Variants in DOCK3 observed in about 807,000 individuals in gnomAD.
The protein encoded by DOCK3 is dedicator of cytokinesis 3, also known as dedicator of cytokinesis protein 3.
In DOCK3, 60 loss-of-function variants were observed where a neutral mutation model predicts 265.6. That is an observed-to-expected ratio of 0.23 (90% CI 0.18 to 0.28). DOCK3 has a LOEUF of 0.28. DOCK3 is among the 10% of genes least tolerant of loss of function. The pLI is 1.00. For synonymous variants in DOCK3, 881 were observed against 938.0 expected (o/e 0.94, Z 1.11); for missense variants, 1,981 against 2,594.3 (o/e 0.76, Z 5.14).
rs377171612 is a variant in DOCK3, at chr3:50,920,822, T to C, written c.219-13159T>C. Among the ~76,000 whole-genome samples the C allele has an allele frequency of 4.4e-4, 67 of 152,310 alleles. No individual in the cohort carries two copies. In the Middle Eastern group the frequency reaches 0.01, roughly 23 times the overall value. On this transcript the variant is annotated intron_variant, in intron 4 of 52. Coordinates refer to ENST00000266037, the MANE Select transcript of DOCK3 (RefSeq NM_004947.5). ...AATGCGTTTGCTCTTGCTTCTCTAG[T>C]TCTTTTAATTGTGATGTTAGGGTGT... is the stretch of plus-strand genomic sequence containing the variant.
intron 5 of DOCK3, among the ~76,000 whole-genome samples, chr3:51,044,251 A>G (rs942493703): frequency 3.3e-5 from 5 of 152,214 alleles, no homozygotes; most frequent in Non-Finnish European, 7.3e-5. Flanking sequence ...GCAGCCATAC[A>G]AAAGAATGAG....
intron 1 of DOCK3, among the ~76,000 whole-genome samples, chr3:50,708,468 A>G (rs1484465960): frequency 6.6e-6 from 1 of 152,174 alleles, no homozygotes; most frequent in Non-Finnish European, 1.5e-5. Context: ...GGAAGATGTC[A>G]CTGGGGCTTT....
At chr3:51,071,632 C>T (rs564763641) in intron 6 of DOCK3, among the ~76,000 whole-genome samples, 24 of 152,232 alleles carry the variant, frequency 1.6e-4, no homozygotes, top group East Asian at 9.6e-4. Context: ...CAACAGCTTA[C>T]GATAGTAGAT....
chr3:50,705,632 G>A (rs1178560088), intron 1 of DOCK3, among the ~76,000 whole-genome samples: 3 of 152,040 alleles, frequency 2.0e-5, no homozygotes, highest in Non-Finnish European at 4.4e-5. Flanking sequence ...GGCCAGGCTG[G>A]TGTTGATCTC....
Position 50,754,859 on chromosome 3 carries a change from C to G in DOCK3, c.38-23816C>G, listed in dbSNP as rs1046834432. 2.6e-5 allele frequency among the ~76,000 whole-genome samples: 4 copies of G among 151,984 alleles called. No individual in the cohort carries two copies. The East Asian group carries it at 5.8e-4, about 22-fold the overall frequency. On this transcript the variant is annotated intron_variant, in intron 1 of 52. Transcript: ENST00000266037. ...CAGGTGTGAGCCACCACTCCCAGCC[C>G]GTTTTCACTTTTGACAACATGGGAA...
chr3:51,017,862 C>T (rs555657265), intron 5 of DOCK3, among the ~76,000 whole-genome samples: 12 of 151,886 alleles, frequency 7.9e-5, no homozygotes, highest in Admixed American at 3.3e-4. Context: ...CTTCTGTCAA[C>T]GATGTGTGAC....
chr3:50,803,860 A>C (rs2043221579), intron 2 of DOCK3, among the ~76,000 whole-genome samples: 1 of 149,626 alleles, frequency 6.7e-6, no homozygotes, highest in African/African-American at 2.5e-5. Context: ...TCCATCCTGG[A>C]CGGGGCGGCT....
chr3:50,876,072 T>C (rs2047688763), intron 3 of DOCK3, among the ~76,000 whole-genome samples: 1 of 152,088 alleles, frequency 6.6e-6, no homozygotes, highest in South Asian at 2.1e-4. Context: ...ACTGCTGCTA[T>C]ACCAAGTATT....
intron 14 of DOCK3, among the ~76,000 whole-genome samples, chr3:51,214,725 G>T (rs542324853): frequency 2.6e-4 from 39 of 152,260 alleles, no homozygotes; most frequent in African/African-American, 8.9e-4. Flanking sequence ...AATAGATCAG[G>T]CAAATAGTAT....
At chr3:51,261,241 G>A (rs1050912522) in intron 23 of DOCK3, among the ~76,000 whole-genome samples, 1 of 151,852 alleles carries the variant, frequency 6.6e-6, no homozygotes, top group Non-Finnish European at 1.5e-5. Flanking sequence ...GGACTGGCTA[G>A]ACAGTGGGTG....
chr3:50,731,662 T>C (rs1416385496), intron 1 of DOCK3, among the ~76,000 whole-genome samples: 2 of 152,158 alleles, frequency 1.3e-5, no homozygotes, highest in East Asian at 3.8e-4. Flanking sequence ...AGGTAAAACT[T>C]ACCACCATTT....
chr3:51,115,871 G>A (rs1200461437), intron 9 of DOCK3, among the ~76,000 whole-genome samples: 5 of 152,154 alleles, frequency 3.3e-5, no homozygotes, highest in East Asian at 1.9e-4. Context: ...TGGCTAGCCA[G>A]TTTTCACAAC....
chr3:51,188,414 G>A (rs1189270851), intron 12 of DOCK3, among the ~76,000 whole-genome samples: 1 of 152,138 alleles, frequency 6.6e-6, no homozygotes, highest in Non-Finnish European at 1.5e-5. Context: ...GAGGGATTTC[G>A]TTACATGTAT....
intron 14 of DOCK3, among the ~76,000 whole-genome samples, chr3:51,225,254 G>A (rs1449082567): frequency 6.6e-6 from 1 of 152,140 alleles, no homozygotes; most frequent in Non-Finnish European, 1.5e-5. Context: ...CCTTCTTGAG[G>A]GAAAAGAAGA....
At chr3:50,872,181 T>C (rs2047462441) in intron 3 of DOCK3, among the ~76,000 whole-genome samples, 1 of 152,246 alleles carries the variant, frequency 6.6e-6, no homozygotes, top group South Asian at 2.1e-4. Flanking sequence ...TGTTTGTCTT[T>C]CTTAGGAAGG....
rs560739845 is a variant in DOCK3 at position 50,948,607 on chromosome 3, TCTTTTCTTTTC to T, written c.315+14542_315+14552del. ...CTTTTCTTTTCTCTTCTTTCTCTTT[TCTTTTCTTTTC>T]CTTTTCTTTTCTTTCCTCTTTGTTT... On this transcript the variant is annotated intron_variant, in intron 5 of 52. Transcript: ENST00000266037. Among the ~76,000 whole-genome samples, 435 of 151,914 alleles carry T rather than the reference TCTTTTCTTTTC, an allele frequency of 2.9e-3. 1 individual carries two copies. Among genetic ancestry groups the T allele is most frequent in the African/African-American group, 0.01 (418 of 41,424 alleles).
intron 5 of DOCK3, among the ~76,000 whole-genome samples, chr3:50,975,388 A>G (rs1331733236): frequency 1.3e-5 from 2 of 150,220 alleles, no homozygotes; most frequent in Admixed American, 6.7e-5. Context: ...TTCCGCATCT[A>G]TTGAGATAAT....
intron 27 of DOCK3, among the ~76,000 whole-genome samples, chr3:51,283,725 A>T (rs2081262417): frequency 6.6e-6 from 1 of 152,162 alleles, no homozygotes. Context: ...TTGTCCATAC[A>T]TTGAGCATCC....
intron 1 of DOCK3, among the ~76,000 whole-genome samples, chr3:50,752,523 AC>A (rs1197979698): frequency 3.5e-4 from 14 of 40,016 alleles, no homozygotes; most frequent in Admixed American, 1.4e-3. Flanking sequence ...AAAAAAAAAA[AC>A]AAAAACAACT....
Sources: allele counts gnomAD v4.1 joint callset (sites outside exome capture counted in the v4.1 genomes callset), GRCh38; gene constraint gnomAD v4.1.1; transcripts MANE v1.5; gene names NCBI Gene and HGNC (gene_info 2026-07-23, HGNC 2026-07-21).